The following SULT4A1 variants were observed in gnomAD, a reference collection of about 807,000 sequenced individuals.
The protein encoded by SULT4A1 is sulfotransferase family 4A member 1.
SULT4A1 carries 11 observed loss-of-function variants against 35.2 expected under a neutral mutation model. The ratio of observed to expected loss-of-function variants is 0.31; its 90% CI spans 0.20 to 0.52. The LOEUF is 0.52. Among genes scored for constraint, SULT4A1 ranks in the 20% least tolerant of loss-of-function variants. The probability of loss-of-function intolerance (pLI) is 0.97; values close to 1 mark genes in which losing one functional copy is unlikely to be tolerated. For missense variants in SULT4A1, 271 were observed against 383.7 expected (o/e 0.71, Z 2.45); for synonymous variants, 152 against 151.8 (o/e 1.00, Z -0.01).
intron 1 of SULT4A1, among the ~76,000 whole-genome samples, chr22:43,853,184 C>A (rs994158608): frequency 6.6e-6 from 1 of 152,158 alleles, no homozygotes; most frequent in Non-Finnish European, 1.5e-5. Flanking sequence ...ACACCACACA[C>A]ATACACCCAC....
At chr22:43,831,713 TC>T (rs1186690257) in intron 5 of SULT4A1, among the ~76,000 whole-genome samples, 4 of 152,212 alleles carry the variant, frequency 2.6e-5, no homozygotes, top group Non-Finnish European at 5.9e-5. Flanking sequence ...CCATGCGAGT[TC>T]CACACCTGAC....
intron 5 of SULT4A1, among the ~76,000 whole-genome samples, chr22:43,831,210 T>G (rs2063323301): frequency 6.6e-6 from 1 of 150,448 alleles, no homozygotes; most frequent in African/African-American, 2.4e-5. Flanking sequence ...GGGCTTGGAG[T>G]AAAGTGTGTG....
intron 6 of SULT4A1, among the ~76,000 whole-genome samples, chr22:43,827,976 C>T (rs961016699): frequency 2.6e-5 from 4 of 152,222 alleles, no homozygotes; most frequent in Admixed American, 6.5e-5. Context: ...TTATAAGAGA[C>T]GGCACTTTGC....
chr22:43,826,496 C>T lies in SULT4A1; in HGVS notation c.743-383G>A, dbSNP rs2063287980. 3.0e-6 allele frequency: 3 copies of T among 985,248 alleles called. No homozygotes were observed. In the African/African-American group the frequency reaches 5.2e-5, roughly 17 times the overall value. The allele number at this position is 985,248 out of a possible 1,614,324, so 61.0% of individuals were successfully genotyped here. On this transcript the variant is annotated intron_variant, in intron 6 of 6. Coordinates refer to ENST00000330884, the MANE Select transcript of SULT4A1 (RefSeq NM_014351.4). ...AGGTGTTTAATAAACATCCCAGGAG[C>T]GAGTATGATCTGCCGCGGGAGTGCA...
intron 1 of SULT4A1, among the ~76,000 whole-genome samples, chr22:43,854,630 A>AC (rs772411979): frequency 3.3e-5 from 5 of 152,260 alleles, no homozygotes; most frequent in Admixed American, 6.5e-5. Flanking sequence ...CCACCTGGCC[A>AC]CAGAGGAACA....
At position 43,833,742 on chromosome 22, in the gene SULT4A1, G is replaced by C. The variant is rs7286471; in HGVS notation, c.509-8C>G. On this transcript the variant is annotated splice_region_variant and splice_polypyrimidine_tract_variant and intron_variant, in intron 4 of 6. Transcript: ENST00000330884. ...ACCAGGAGCCGTAGCCCACTGCGGA[G>C]ACAGGGGACAGGGTGAGCCACACGG... 6.4e-7 allele frequency: 1 copy of C among 1,560,456 alleles called. No individual in the cohort carries two copies.
At chr22:43,853,467 GGAT>G (rs2049366757) in intron 1 of SULT4A1, among the ~76,000 whole-genome samples, 1 of 152,196 alleles carries the variant, frequency 6.6e-6, no homozygotes, top group Non-Finnish European at 1.5e-5. Flanking sequence ...GACCCCTGCT[GGAT>G]GCAGAGCGGA....
At position 43,841,245 on chromosome 22, in the gene SULT4A1, AGG is replaced by A. The variant is rs1412214859; in HGVS notation, c.300+555_300+556del. Among the ~76,000 whole-genome samples the A allele has an allele frequency of 5.3e-5, 8 of 152,080 alleles. No individual in the cohort carries two copies. The East Asian group carries it at 1.5e-3, about 29-fold the overall frequency. Reference sequence around the variant, plus strand: ...GGATGGCACTCTCAGAGCATGACACAGGGTGGGATGGCACTCTCAGAGCTGGG... The same window carrying A: ...GGATGGCACTCTCAGAGCATGACACAGTGGGATGGCACTCTCAGAGCTGGG... On this transcript the variant is annotated intron_variant, in intron 2 of 6. Transcript: ENST00000330884.
intron 1 of SULT4A1, among the ~76,000 whole-genome samples, chr22:43,856,088 C>T (rs1386554083): frequency 1.3e-5 from 2 of 152,224 alleles, no homozygotes; most frequent in Non-Finnish European, 2.9e-5. Flanking sequence ...TTCTCCAGAC[C>T]TAGGCCAGGT....
intron 2 of SULT4A1, 141 bp from the exon 3 acceptor site, chr22:43,840,166 C>A: frequency 3.4e-6 from 2 of 583,270 alleles, no homozygotes; most frequent in African/African-American, 2.0e-5. Context: ...AACGGCGGGT[C>A]TAGGGTAGCG....
chr22:43,853,849 G>A (rs1168126634), intron 1 of SULT4A1, among the ~76,000 whole-genome samples: 4 of 152,258 alleles, frequency 2.6e-5, no homozygotes, highest in Non-Finnish European at 5.9e-5. Context: ...CCACCCCAGG[G>A]AGAAGAGGCT....
chr22:43,840,985 G>A (rs1180963968), intron 2 of SULT4A1, among the ~76,000 whole-genome samples: 1 of 152,302 alleles, frequency 6.6e-6, no homozygotes, highest in South Asian at 2.1e-4. Context: ...AGCGCTGATC[G>A]CTGGCTAGCT....
At chr22:43,826,869 GC>G (rs2063290455) in intron 6 of SULT4A1, 2 of 985,298 alleles carry the variant, frequency 2.0e-6, no homozygotes, top group East Asian at 1.1e-4. Context: ...TCTAGCCCAG[GC>G]TTAGTCAGAA....
At chr22:43,836,356 G>A (rs889255032) in intron 4 of SULT4A1, among the ~76,000 whole-genome samples, 3 of 139,792 alleles carry the variant, frequency 2.1e-5, no homozygotes, top group South Asian at 2.4e-4. Flanking sequence ...TCTACACAGC[G>A]TCCTCCAACT....
chr22:43,849,357 G>A (rs1057434933), intron 1 of SULT4A1, among the ~76,000 whole-genome samples: 1 of 152,194 alleles, frequency 6.6e-6, no homozygotes, highest in African/African-American at 2.4e-5. Context: ...CAAAAGGCCT[G>A]ATACCAAGAC....
rs907520083 is a variant in SULT4A1 at position 43,860,305 on chromosome 22, A to C, written c.169+1909T>G. Among the ~76,000 whole-genome samples the C allele has an allele frequency of 2.8e-5, 3 of 106,922 alleles. No homozygotes were observed. In the South Asian group the frequency reaches 1.1e-3, roughly 40 times the overall value. 70.1% of individuals were successfully genotyped at this position (106,922 alleles called of 152,430 possible). A position where few individuals can be genotyped will look rare whatever the true frequency, so the allele number is the denominator to read the frequency against. ...CCCCCATCAGACTGAGAGCTCACTA[A>C]GGACAGGCACCAGATGGGGCCCTCT... On this transcript the variant is annotated intron_variant, in intron 1 of 6. Coordinates refer to ENST00000330884, the MANE Select transcript of SULT4A1 (RefSeq NM_014351.4).
At position 43,827,511 on chromosome 22, in the gene SULT4A1, C is replaced by T. The variant is rs1264190108; in HGVS notation, c.743-1398G>A. On this transcript the variant is annotated intron_variant, in intron 6 of 6. Coordinates refer to ENST00000330884, the MANE Select transcript of SULT4A1 (RefSeq NM_014351.4). ...CTGAGAGCTCGTCAGAGGAGTCACCCACCTGGTTTAGGATTTGGAATCAAG... is the reference window on the plus strand; with the variant it reads ...CTGAGAGCTCGTCAGAGGAGTCACCTACCTGGTTTAGGATTTGGAATCAAG... 9.0e-6 allele frequency: 12 copies of T among 1,339,614 alleles called. No homozygotes were observed. The Admixed American group carries it at 1.0e-4, about 12-fold the overall frequency. The allele number at this position is 1,339,614 out of a possible 1,614,324, so 83.0% of individuals were successfully genotyped here. A position where few individuals can be genotyped will look rare whatever the true frequency, so the allele number is the denominator to read the frequency against.
chr22:43,841,353 C>T (rs773569329), intron 2 of SULT4A1, among the ~76,000 whole-genome samples: 60 of 152,122 alleles, frequency 3.9e-4, no homozygotes, highest in Non-Finnish European at 8.2e-4. Flanking sequence ...GAGGCTGGAA[C>T]TAAAGAGGTG....
chr22:43,846,394 A>G (rs1220379043), intron 1 of SULT4A1, among the ~76,000 whole-genome samples: 4 of 152,220 alleles, frequency 2.6e-5, no homozygotes, highest in Admixed American at 2.6e-4. Context: ...TTAAGGACAG[A>G]GGCTGTTTTG....
Sources: allele counts gnomAD v4.1 joint callset (sites outside exome capture counted in the v4.1 genomes callset), GRCh38; gene constraint gnomAD v4.1.1; transcripts MANE v1.5; gene names NCBI Gene and HGNC (gene_info 2026-07-23, HGNC 2026-07-21).